NRXN1: variants seen among roughly 807,000 people sequenced by gnomAD.
NRXN1 encodes the protein neurexin-1.
A neutral mutation model predicts 150.9 loss-of-function variants in NRXN1; 39 were observed. That is an observed-to-expected ratio of 0.26 (90% CI 0.20 to 0.34). The LOEUF (loss-of-function observed/expected upper bound fraction) is 0.34, where lower values mean the gene tolerates loss of function less well. Among genes scored for constraint, NRXN1 ranks in the 10% least tolerant of loss-of-function variants. NRXN1 has a pLI of 1.00. For missense variants in NRXN1, 1,815 were observed against 1,949.9 expected (o/e 0.93, Z 1.30); for synonymous variants, 924 against 757.0 (o/e 1.22, Z -3.62).
chr2:50,693,822 C>T (rs1218341721), intron 5 of NRXN1, among the ~76,000 whole-genome samples: 1 of 152,140 alleles, frequency 6.6e-6, no homozygotes, highest in Non-Finnish European at 1.5e-5. Context: ...GGCAGAATCT[C>T]ACTCTGTTGT....
chr2:50,875,145 T>A (rs1678381518), intron 5 of NRXN1, among the ~76,000 whole-genome samples: 1 of 151,816 alleles, frequency 6.6e-6, no homozygotes, highest in African/African-American at 2.4e-5. Flanking sequence ...TCAGTTTGTT[T>A]CTTTTGTTGT....
intron 8 of NRXN1, among the ~76,000 whole-genome samples, chr2:50,572,840 T>C (rs1670855791): frequency 6.6e-6 from 1 of 152,230 alleles, no homozygotes; most frequent in Admixed American, 6.5e-5. Context: ...TACTAGGTAC[T>C]AGAATGAGGG....
chr2:50,570,236 C>T (rs1302967961), intron 8 of NRXN1, among the ~76,000 whole-genome samples: 2 of 151,570 alleles, frequency 1.3e-5, no homozygotes, highest in Non-Finnish European at 2.9e-5. Context: ...AGGAGTAAGA[C>T]ATGGGCTGGC....
chr2:50,415,828 A>G (rs1280050794), intron 17 of NRXN1, among the ~76,000 whole-genome samples: 1 of 151,034 alleles, frequency 6.6e-6, no homozygotes, highest in Non-Finnish European at 1.5e-5. Context: ...ATGCTAAATT[A>G]CATTAAAAAA....
intron 21 of NRXN1, among the ~76,000 whole-genome samples, chr2:49,999,309 A>G (rs1683519321): frequency 6.6e-6 from 1 of 152,180 alleles, no homozygotes; most frequent in Admixed American, 6.5e-5. Flanking sequence ...GACTTTCCTT[A>G]TCTTTATATC....
intron 18 of NRXN1, among the ~76,000 whole-genome samples, chr2:50,153,394 A>C (rs868394763): frequency 6.8e-6 from 1 of 146,118 alleles, no homozygotes; most frequent in Non-Finnish European, 1.5e-5. Context: ...TTTATATGTA[A>C]TTTTTTTTTT....
At chr2:50,107,672 T>C (rs1025254242) in intron 18 of NRXN1, among the ~76,000 whole-genome samples, 1 of 151,490 alleles carries the variant, frequency 6.6e-6, no homozygotes, top group Non-Finnish European at 1.5e-5. Flanking sequence ...AATTAGGCAG[T>C]TAATAAAACT....
intron 5 of NRXN1, among the ~76,000 whole-genome samples, chr2:50,895,453 G>C (rs1681777315): frequency 6.6e-6 from 1 of 152,130 alleles, no homozygotes; most frequent in South Asian, 2.1e-4. Flanking sequence ...GTAACATAAA[G>C]AGGCTGTATC....
chr2:50,402,821 GC>G (rs1196293534), intron 17 of NRXN1, among the ~76,000 whole-genome samples: 1 of 152,002 alleles, frequency 6.6e-6, no homozygotes, highest in Non-Finnish European at 1.5e-5. Context: ...CTTTCTTTAA[GC>G]CTCAACTCCT....
intron 19 of NRXN1, among the ~76,000 whole-genome samples, chr2:50,078,385 A>AAAC (rs1697402812): frequency 6.6e-6 from 1 of 151,902 alleles, no homozygotes; most frequent in Non-Finnish European, 1.5e-5. Context: ...AAAAAAAAAA[A>AAAC]TCTTATAGAA....
intron 5 of NRXN1, among the ~76,000 whole-genome samples, chr2:50,797,887 G>A (rs1205599977): frequency 6.6e-6 from 1 of 152,152 alleles, no homozygotes. Context: ...AAAATGTCCA[G>A]AAGTTCCCAG....
chr2:50,287,676 T>C (rs377740618), intron 17 of NRXN1, among the ~76,000 whole-genome samples: 69 of 152,272 alleles, frequency 4.5e-4, no homozygotes, highest in African/African-American at 1.6e-3. Flanking sequence ...CTGATTTCTG[T>C]TTCCATATTT....
chr2:50,578,737 A>C (rs923044218), intron 8 of NRXN1, among the ~76,000 whole-genome samples: 1 of 151,964 alleles, frequency 6.6e-6, no homozygotes, highest in Admixed American at 6.6e-5. Context: ...AAAGCTTTTT[A>C]ATTTATATTC....
At chr2:50,157,360 G>A (rs1330130748) in intron 18 of NRXN1, among the ~76,000 whole-genome samples, 2 of 151,982 alleles carry the variant, frequency 1.3e-5, no homozygotes. Flanking sequence ...TGTAAAGACA[G>A]AATATAAAAA....
intron 5 of NRXN1, among the ~76,000 whole-genome samples, chr2:50,672,650 T>G (rs1282282779): frequency 2.0e-5 from 3 of 151,754 alleles, no homozygotes; most frequent in Non-Finnish European, 2.9e-5. Flanking sequence ...TAGCAAGGTT[T>G]AAAAAAAAGA....
chr2:50,637,902 GA>G (rs1251288850), intron 5 of NRXN1, among the ~76,000 whole-genome samples: 1 of 152,032 alleles, frequency 6.6e-6, no homozygotes, highest in African/African-American at 2.4e-5. Context: ...CTAGGATGAT[GA>G]AATTATTACC....
At chr2:50,358,465 G>T (rs916401314) in intron 17 of NRXN1, among the ~76,000 whole-genome samples, 1 of 152,180 alleles carries the variant, frequency 6.6e-6, no homozygotes, top group Non-Finnish European at 1.5e-5. Context: ...AAGCTCGTGG[G>T]AAGTTTGGAC....
Position 49,921,635 on chromosome 2 carries a change from T to C in NRXN1, c.*309A>G, listed in dbSNP as rs1668215135. Reference sequence around the variant, plus strand: ...CCTTGATGCTGTAGTACTCCTTTGCTTTATGAATGCGTGCGGTCATCACTG... The same window carrying C: ...CCTTGATGCTGTAGTACTCCTTTGCCTTATGAATGCGTGCGGTCATCACTG... On this transcript the variant is annotated 3_prime_UTR_variant, in exon 23 of 23. Coordinates refer to ENST00000401669, the MANE Select transcript of NRXN1 (RefSeq NM_001330078.2). 3.1e-6 allele frequency: 1 copy of C among 325,144 alleles called. No homozygotes were observed. Among genetic ancestry groups the C allele is most frequent in the Non-Finnish European group, 5.7e-6 (1 of 174,690 alleles). 20.1% of individuals were successfully genotyped at this position (325,144 alleles called of 1,614,324 possible). A position where few individuals can be genotyped will look rare whatever the true frequency, so the allele number is the denominator to read the frequency against.
intron 17 of NRXN1, among the ~76,000 whole-genome samples, chr2:50,449,237 A>G (rs2086741443): frequency 1.3e-5 from 2 of 152,240 alleles, no homozygotes; most frequent in Non-Finnish European, 2.9e-5. Context: ...AGTGGAGATT[A>G]CCAAAAAGTA....
Sources: allele counts gnomAD v4.1 joint callset (sites outside exome capture counted in the v4.1 genomes callset), GRCh38; gene constraint gnomAD v4.1.1; transcripts MANE v1.5; gene names NCBI Gene and HGNC (gene_info 2026-07-23, HGNC 2026-07-21).